CCT5: variants seen among roughly 807,000 people sequenced by gnomAD.
CCT5 encodes chaperonin containing TCP1 subunit 5.
Under a neutral mutation model 55.0 loss-of-function variants are expected in CCT5, and 6 were observed. That is an observed-to-expected ratio of 0.11 (90% confidence interval 0.06 to 0.22). The LOEUF is 0.22. Among genes scored for constraint, CCT5 ranks in the 10% least tolerant of loss-of-function variants. The pLI is 1.00. For missense variants in CCT5, 560 were observed against 694.6 expected, an observed-to-expected ratio of 0.81 and a Z score of 2.18; for synonymous variants, 231 against 243.7, an observed-to-expected ratio of 0.95 and a Z score of 0.49.
At chr5:10,254,418 A>G in intron 2 of CCT5, 1 of 603,210 alleles carries the variant, frequency 1.7e-6, no homozygotes, top group East Asian at 2.8e-5. Flanking sequence ...TTAGCATGTA[A>G]CATCATTTCA....
intron 8 of CCT5, 199 bp downstream of exon 8, chr5:10,261,944 G>C: frequency 1.6e-6 from 1 of 634,420 alleles, no homozygotes; most frequent in South Asian, 1.6e-5. Context: ...CCTTTCTGCT[G>C]TCCCTTAGAG....
chr5:10,257,048 A>C (rs1343170603), intron 4 of CCT5, among the ~76,000 whole-genome samples: 4 of 152,328 alleles, frequency 2.6e-5, no homozygotes, highest in Non-Finnish European at 5.9e-5. Context: ...ATCCAGTGTA[A>C]GCTGCTTTAT....
At chr5:10,259,562 G>C (rs1345792530) in intron 6 of CCT5, among the ~76,000 whole-genome samples, 1 of 152,220 alleles carries the variant, frequency 6.6e-6, no homozygotes, top group Non-Finnish European at 1.5e-5. Context: ...ACTGGTCAGA[G>C]AGGTGACCTG....
intron 8 of CCT5, 85 bp downstream of exon 8, chr5:10,261,830 A>C (rs1385505209): frequency 9.8e-7 from 1 of 1,020,808 alleles, no homozygotes; most frequent in Non-Finnish European, 1.6e-6. Context: ...TAACAGAGAC[A>C]CAGTCACCAT....
intron 7 of CCT5, chr5:10,261,262 G>C (rs1745945619): frequency 2.0e-6 from 1 of 498,592 alleles, no homozygotes; most frequent in Admixed American, 3.3e-5. Context: ...GAACATGCAG[G>C]CTGGGTTCCC....
At chr5:10,254,387 C>T (rs902237773) in intron 2 of CCT5, 182 bp downstream of exon 2, 12 of 565,698 alleles carry the variant, frequency 2.1e-5, no homozygotes, top group South Asian at 8.4e-5. Context: ...AATATTAGGT[C>T]GGACCTTTTT....
rs922109133 is a variant in CCT5, at chr5:10,258,607, A to G, written c.873+72A>G. On this transcript the variant is annotated intron_variant, in intron 6 of 10. Coordinates refer to ENST00000280326, the MANE Select transcript of CCT5 (RefSeq NM_012073.5). ...ACAGTTAGTTAGGTTTGGTTAGTAA[A>G]TATGTGTAGTCTTTCTTCAGTTCTA... 1.1e-5 allele frequency: 15 copies of G among 1,347,912 alleles called. No individual in the cohort carries two copies. The African/African-American group carries it at 2.2e-4, about 19-fold the overall frequency. The allele number at this position is 1,347,912 out of a possible 1,614,324, so 83.5% of individuals were successfully genotyped here.
intron 4 of CCT5, among the ~76,000 whole-genome samples, chr5:10,256,978 G>T (rs1745715049): frequency 6.6e-6 from 1 of 152,194 alleles, no homozygotes; most frequent in Non-Finnish European, 1.5e-5. Flanking sequence ...CAGCCAAGGG[G>T]TGCGCTGATT....
chr5:10,249,926 A>AAAC, upstream of CCT5: 2 of 952,504 alleles, frequency 2.1e-6, no homozygotes, highest in Admixed American at 6.9e-5. Flanking sequence ...AAAAAAAAAA[A>AAAC]AAAAAAAACC....
intron 1 of CCT5, 24 bp downstream of exon 1, chr5:10,250,469 C>T (rs755035386): frequency 6.2e-7 from 1 of 1,611,404 alleles, no homozygotes; most frequent in East Asian, 2.2e-5. Context: ...GACCTGCTCG[C>T]GGTGGGCTAA....
At chr5:10,261,487 C>G in intron 7 of CCT5, 73 bp from the exon 8 acceptor site, 6 of 1,460,894 alleles carry the variant, frequency 4.1e-6, no homozygotes, top group Non-Finnish European at 5.8e-6. Context: ...AAGTTTTGCT[C>G]ATTTGTGGCC....
chr5:10,264,885 C>G lies in CCT5; in HGVS notation c.*102C>G. On this transcript the variant is annotated 3_prime_UTR_variant, in exon 11 of 11. Coordinates refer to ENST00000280326, the MANE Select transcript of CCT5 (RefSeq NM_012073.5). ...ATTTATTGTTACATCCTTTTCCAGA[C>G]ACTGTAGATGCTATAATAAAAATAG... 1 of 1,457,050 alleles carries G rather than the reference C, an allele frequency of 6.9e-7. No individual in the cohort carries two copies. Among genetic ancestry groups the G allele is most frequent in the Non-Finnish European group, 9.6e-7 (1 of 1,046,160 alleles). 90.3% of individuals were successfully genotyped at this position (1,457,050 alleles called of 1,614,324 possible).
intron 8 of CCT5, 23 bp downstream of exon 8, chr5:10,261,768 T>A (rs1231336938): frequency 6.2e-7 from 1 of 1,600,050 alleles, no homozygotes; most frequent in African/African-American, 1.3e-5. Context: ...CTATTTGTCC[T>A]ATACTGTTGC....
At chr5:10,261,256 A>G (rs923485598) in intron 7 of CCT5, 16 of 496,048 alleles carry the variant, frequency 3.2e-5, no homozygotes, top group African/African-American at 7.8e-5. Context: ...TGCAAGGAAC[A>G]TGCAGGCTGG....
rs769677185 is a variant in CCT5 at position 10,250,414 on chromosome 5, A to G, written c.74A>G (p.Lys25Arg). The change falls in exon 1 of 11, where the codon AAG becomes AGG. Residue 25 changes from lysine to arginine, a missense_variant. Transcript: ENST00000280326. ...CTCATCATCAAGGATCAGGACCGCA[A>G]GTCCCGTCTTATGGGACTTGAGGCC... ...PFLIIKDQDR[K>R]SRLMGLEALK... 6.2e-7 allele frequency: 1 copy of G among 1,613,948 alleles called. No homozygotes were observed. The highest frequency in any genetic ancestry group is 1.3e-5 in the African/African-American group (1 of 75,054).
At chr5:10,253,842 C>T (rs759765851) in intron 1 of CCT5, among the ~76,000 whole-genome samples, 2 of 152,186 alleles carry the variant, frequency 1.3e-5, no homozygotes, top group African/African-American at 2.4e-5. Flanking sequence ...CCTGTAAGGT[C>T]ATAGTCATAC....
intron 4 of CCT5, 26 bp from the exon 5 acceptor site, chr5:10,258,085 A>G: frequency 6.2e-7 from 1 of 1,612,006 alleles, no homozygotes. Flanking sequence ...AAACCAATGA[A>G]GTTTGTTTTG....
rs2607294 is a variant in CCT5 at position 10,254,909 on chromosome 5, T to C, written c.331+71T>C. ...AAGACCACAGGGCTAACATGCCTGC[T>C]GAGATTGTTGTCTCTGAATCAGAGC... is the stretch of plus-strand genomic sequence containing the variant. On this transcript the variant is annotated intron_variant, in intron 3 of 10. Coordinates refer to ENST00000280326, the MANE Select transcript of CCT5 (RefSeq NM_012073.5). 0.82 allele frequency: 1,046,090 copies of C among 1,273,188 alleles called. 436,504 individuals are homozygous for C. The highest frequency in any genetic ancestry group is 0.89 in the East Asian group (38,379 of 43,180). The allele number at this position is 1,273,188 out of a possible 1,614,324, so 78.9% of individuals were successfully genotyped here. A position where few individuals can be genotyped will look rare whatever the true frequency, so the allele number is the denominator to read the frequency against.
intron 8 of CCT5, chr5:10,262,098 T>G (rs1416432904): frequency 2.6e-6 from 1 of 391,016 alleles, no homozygotes; most frequent in Non-Finnish European, 4.8e-6. Context: ...AAGACTCATT[T>G]TAATTACAAT....
Sources: gnomAD v4.1 joint callset for allele counts (sites outside exome capture counted in the v4.1 genomes callset) on GRCh38, gnomAD v4.1.1 for gene constraint, MANE v1.5 for transcripts, NCBI Gene and HGNC (gene_info 2026-07-23, HGNC 2026-07-21) for gene names.